Variants in TRDN observed in about 807,000 individuals in gnomAD.
TRDN encodes triadin.
Under a neutral mutation model 149.7 loss-of-function variants are expected in TRDN, and 161 were observed. The ratio of observed to expected loss-of-function variants is 1.08; its 90% confidence interval spans 0.95 to 1.23. The LOEUF (loss-of-function observed/expected upper bound fraction) is 1.23, where lower values mean the gene tolerates loss of function less well. Among genes scored for constraint, TRDN ranks in the 50% most tolerant of loss-of-function variants. The probability of loss-of-function intolerance (pLI) is 0.00; values close to 1 mark genes in which losing one functional copy is unlikely to be tolerated. For synonymous variants in TRDN, 294 were observed against 250.5 expected (o/e 1.17, Z -1.64); for missense variants, 896 against 823.5 (o/e 1.09, Z -1.08).
chr6:123,635,666 C>T (rs540537122), intron 1 of TRDN, among the ~76,000 whole-genome samples: 9 of 152,046 alleles, frequency 5.9e-5, no homozygotes, highest in Admixed American at 3.9e-4. Context: ...ATACTAATTT[C>T]TACCCTCAAA....
At chr6:123,239,481 A>G (rs1270454115) in intron 38 of TRDN, among the ~76,000 whole-genome samples, 1 of 152,164 alleles carries the variant, frequency 6.6e-6, no homozygotes, top group Non-Finnish European at 1.5e-5. Context: ...TACAGTATTT[A>G]CTGAAACTAA....
intron 12 of TRDN, among the ~76,000 whole-genome samples, chr6:123,430,842 T>C (rs1409907314): frequency 2.0e-5 from 3 of 152,172 alleles, no homozygotes; most frequent in Non-Finnish European, 4.4e-5. Flanking sequence ...CTCACTTTTG[T>C]ATTGTTCAAA....
intron 2 of TRDN, among the ~76,000 whole-genome samples, chr6:123,565,443 A>G (rs1330818866): frequency 6.6e-6 from 1 of 152,056 alleles, no homozygotes; most frequent in African/African-American, 2.4e-5. Flanking sequence ...ATTGCTCCCC[A>G]TTTCACTCTC....
At chr6:123,417,081 A>G (rs1366641518) in intron 12 of TRDN, among the ~76,000 whole-genome samples, 3 of 152,198 alleles carry the variant, frequency 2.0e-5, no homozygotes, top group Non-Finnish European at 2.9e-5. Context: ...TAATGAAGGA[A>G]TACCTAAGGA....
At chr6:123,593,604 G>C (rs1292601494) in intron 1 of TRDN, among the ~76,000 whole-genome samples, 1 of 152,122 alleles carries the variant, frequency 6.6e-6, no homozygotes, top group African/African-American at 2.4e-5. Context: ...TAGATGGCTG[G>C]CTTCATGTTA....
chr6:123,424,412 A>G lies in TRDN; in HGVS notation c.1051+13651T>C, dbSNP rs143723789. Among the ~76,000 whole-genome samples the G allele has an allele frequency of 3.9e-3, 592 of 152,076 alleles. 4 individuals carry two copies. Among genetic ancestry groups the G allele is most frequent in the African/African-American group, 0.014 (561 of 41,500 alleles). ...AAGTTGAAGTCACGGCTCTTTTCAT[A>G]TGCATTATGTTTTCATAGGCCCTCT... On this transcript the variant is annotated intron_variant, in intron 12 of 40. Coordinates refer to ENST00000334268, the MANE Select transcript of TRDN (RefSeq NM_006073.4).
intron 4 of TRDN, among the ~76,000 whole-genome samples, chr6:123,537,656 C>A (rs115411004): frequency 0.012 from 1,787 of 152,248 alleles, 17 homozygotes; most frequent in Admixed American, 0.02. Context: ...CAGGCCAATA[C>A]ATTTTCCCCA....
At chr6:123,546,003 TTATC>T (rs1414081576) in intron 4 of TRDN, among the ~76,000 whole-genome samples, 2 of 152,140 alleles carry the variant, frequency 1.3e-5, no homozygotes, top group Non-Finnish European at 2.9e-5. Flanking sequence ...CAAACATTAT[TTATC>T]TGTTTTCCCT....
intron 21 of TRDN, chr6:123,352,142 AAT>A: frequency 2.0e-6 from 2 of 984,198 alleles, no homozygotes; most frequent in Non-Finnish European, 2.4e-6. Context: ...AAGCAACAGA[AAT>A]AGTTTTTGCA....
chr6:123,245,410 A>C (rs957398118), intron 38 of TRDN, among the ~76,000 whole-genome samples: 2 of 152,124 alleles, frequency 1.3e-5, no homozygotes, highest in Admixed American at 6.6e-5. Flanking sequence ...TTTACCAAGC[A>C]AATGGAAAGA....
chr6:123,457,748 A>T (rs1022481456), intron 10 of TRDN, among the ~76,000 whole-genome samples: 1 of 152,220 alleles, frequency 6.6e-6, no homozygotes, highest in Non-Finnish European at 1.5e-5. Flanking sequence ...TTCAGTTAAA[A>T]AAATAAAAAA....
intron 5 of TRDN, among the ~76,000 whole-genome samples, chr6:123,521,139 T>C (rs1779659678): frequency 6.6e-6 from 1 of 152,158 alleles, no homozygotes; most frequent in Non-Finnish European, 1.5e-5. Flanking sequence ...GACAAATCAG[T>C]GTTATTATTC....
chr6:123,396,283 A>C (rs1308102031), intron 12 of TRDN, among the ~76,000 whole-genome samples: 1 of 152,198 alleles, frequency 6.6e-6, no homozygotes, highest in African/African-American at 2.4e-5. Flanking sequence ...AACCTATACA[A>C]AAATAAAAAA....
intron 9 of TRDN, among the ~76,000 whole-genome samples, chr6:123,487,340 A>G (rs898384724): frequency 2.6e-5 from 4 of 152,068 alleles, no homozygotes; most frequent in Admixed American, 6.6e-5. Context: ...GTGAAATAAA[A>G]TTGTCAGGAT....
At chr6:123,314,094 A>G (rs1024098335) in intron 24 of TRDN, among the ~76,000 whole-genome samples, 3 of 152,102 alleles carry the variant, frequency 2.0e-5, no homozygotes, top group African/African-American at 7.2e-5. Context: ...TTTGCAAACT[A>G]TGTGTCTGAC....
At chr6:123,245,160 A>G (rs566271754) in intron 38 of TRDN, among the ~76,000 whole-genome samples, 65 of 152,328 alleles carry the variant, frequency 4.3e-4, no homozygotes, top group African/African-American at 1.5e-3. Context: ...TGTGAAGACT[A>G]TCAACACCAT....
chr6:123,388,389 C>T (rs2114443043), intron 14 of TRDN, 133 bp downstream of exon 14: 1 of 1,007,584 alleles, frequency 9.9e-7, no homozygotes, highest in East Asian at 2.6e-5. Context: ...AAAGCACATT[C>T]ATGCAAAATG....
intron 2 of TRDN, among the ~76,000 whole-genome samples, chr6:123,568,131 C>A (rs1292959919): frequency 6.6e-6 from 1 of 152,194 alleles, no homozygotes; most frequent in Non-Finnish European, 1.5e-5. Flanking sequence ...GTTGAAAACC[C>A]CACAGGGCAG....
chr6:123,489,878 A>T (rs1338594472), intron 9 of TRDN, among the ~76,000 whole-genome samples: 1 of 151,396 alleles, frequency 6.6e-6, no homozygotes, highest in Non-Finnish European at 1.5e-5. Context: ...GCCTGGAGAC[A>T]TCTTTTTTTT....
Sources: gnomAD v4.1 joint callset for allele counts (sites outside exome capture counted in the v4.1 genomes callset) on GRCh38, gnomAD v4.1.1 for gene constraint, MANE v1.5 for transcripts, NCBI Gene and HGNC (gene_info 2026-07-23, HGNC 2026-07-21) for gene names.